The following SLC3A2 variants were observed in gnomAD, a reference collection of about 807,000 sequenced individuals.
SLC3A2 encodes solute carrier family 3 member 2.
SLC3A2 carries 32 observed loss-of-function variants against 48.5 expected under a neutral mutation model. That is an observed-to-expected ratio of 0.66 (90% CI 0.50 to 0.89). The LOEUF (loss-of-function observed/expected upper bound fraction) is 0.89, where lower values mean the gene tolerates loss of function less well. Ranked by LOEUF, SLC3A2 falls within the 40% of genes least tolerant of loss-of-function variation. The pLI is 0.00. For missense variants in SLC3A2, 587 were observed against 680.7 expected (o/e 0.86, Z 1.53); for synonymous variants, 277 against 288.8 (o/e 0.96, Z 0.41).
chr11:62,885,203 C>T lies in SLC3A2; in HGVS notation c.845C>T (p.Ser282Phe), dbSNP rs2085693718. 1 of 1,614,156 alleles carries T rather than the reference C, an allele frequency of 6.2e-7. No individual in the cohort carries two copies. Among genetic ancestry groups the T allele is most frequent in the East Asian group, 2.2e-5 (1 of 44,874 alleles). ...CTCTTGATTGCGGGGACTAACTCCT[C>T]CGACCTTCAGCAGATCCTGAGCCTA... is the stretch of plus-strand genomic sequence containing the variant. ...DRLLIAGTNS[S>F]DLQQILSLLE... Residue 282 changes from serine to phenylalanine, a missense_variant, in exon 6 of 9, where the codon TCC becomes TTC. By Grantham distance (155) the Ser-to-Phe change is radical. Coordinates refer to ENST00000338663, the MANE Select transcript of SLC3A2 (RefSeq NM_001013251.3).
chr11:62,878,172 CAAAA>C (rs902061924), upstream of SLC3A2, among the ~76,000 whole-genome samples: 1 of 149,480 alleles, frequency 6.7e-6, no homozygotes, highest in Non-Finnish European at 1.5e-5. Flanking sequence ...AAAAAAAAAA[CAAAA>C]AACAAAAGGA....
chr11:62,867,921 A>G (rs1350053565), intron 1 of SLC3A2, among the ~76,000 whole-genome samples: 1 of 151,804 alleles, frequency 6.6e-6, no homozygotes, highest in Middle Eastern at 3.4e-3. Context: ...ATTATTTTTC[A>G]AAAAAAATTT....
chr11:62,876,155 G>T (rs12804553), upstream of SLC3A2, among the ~76,000 whole-genome samples: 31,484 of 152,244 alleles, frequency 0.21, 3,909 homozygotes, highest in Non-Finnish European at 0.29. Flanking sequence ...ATGAGCTGCT[G>T]TGCCTGGTCA....
rs772772735 is a variant in SLC3A2 at position 62,888,167 on chromosome 11, G to A, written c.1176G>A (p.Glu392=). Residue 392 remains glutamate, a synonymous_variant, in exon 8 of 9, where the codon GAG becomes GAA. Coordinates refer to ENST00000338663, the MANE Select transcript of SLC3A2 (RefSeq NM_001013251.3). ...AGGCTCCAGTCATGCTGTGGGATGA[G>A]TCCAGCTTCCCTGACATCCCAGGGG... ...PMEAPVMLWD[E]SSFPDIPGAV... is the part of the protein sequence containing the mutation. 2 of 1,613,994 alleles carry A rather than the reference G, an allele frequency of 1.2e-6. No homozygotes were observed. Among genetic ancestry groups the A allele is most frequent in the East Asian group, 2.2e-5 (1 of 44,880 alleles).
At chr11:62,856,264 G>T (rs758009456) in exon 1 of SLC3A2, 10 of 1,605,916 alleles carry the variant, frequency 6.2e-6, no homozygotes, top group Non-Finnish European at 7.7e-6. Context: ...TGCAGGATCC[G>T]CCTCCATGGA....
Position 62,881,498 on chromosome 11 carries a change from T to G in SLC3A2, c.424+51T>G. On this transcript the variant is annotated intron_variant, in intron 1 of 8. Transcript: ENST00000338663. The surrounding 1 kb of genome is among the most constrained non-coding windows in gnomAD (Gnocchi z 4.0). ...GGTACCTCCGGTTGAATCTGGTGGCTTGCACCGACCCCCTCCCCTGTCCCC... is the reference window on the plus strand; with the variant it reads ...GGTACCTCCGGTTGAATCTGGTGGCGTGCACCGACCCCCTCCCCTGTCCCC... 6.6e-7 allele frequency: 1 copy of G among 1,509,206 alleles called. No homozygotes were observed. The highest frequency in any genetic ancestry group is 8.8e-7 in the Non-Finnish European group (1 of 1,133,874). The allele number at this position is 1,509,206 out of a possible 1,614,324, so 93.5% of individuals were successfully genotyped here.
chr11:62,856,500 C>T (rs897191846), intron 1 of SLC3A2: 2 of 826,140 alleles, frequency 2.4e-6, no homozygotes, highest in Non-Finnish European at 1.9e-6. Context: ...CTAACTGGTT[C>T]CCTATGTCCT....
At chr11:62,867,503 T>C (rs576738510) in intron 1 of SLC3A2, among the ~76,000 whole-genome samples, 1 of 151,604 alleles carries the variant, frequency 6.6e-6, no homozygotes, top group Non-Finnish European at 1.5e-5. Context: ...TTTTTGTGTT[T>C]TTAGTAGAGA....
intron 8 of SLC3A2, 49 bp from the exon 9 acceptor site, chr11:62,888,282 A>G (rs1178705126): frequency 1.2e-6 from 2 of 1,609,506 alleles, no homozygotes; most frequent in Admixed American, 3.3e-5. Context: ...AGAAGTCTGT[A>G]CCCAGGGGAG....
chr11:62,887,423 C>T (rs1328514724), intron 7 of SLC3A2, among the ~76,000 whole-genome samples: 1 of 152,094 alleles, frequency 6.6e-6, no homozygotes, highest in African/African-American at 2.4e-5. Context: ...GTTAGCCAGG[C>T]CGGGTGTCGT....
intron 7 of SLC3A2, among the ~76,000 whole-genome samples, 178 bp downstream of exon 7, chr11:62,885,786 T>C (rs2085706159): frequency 6.6e-6 from 1 of 152,208 alleles, no homozygotes; most frequent in South Asian, 2.1e-4. Flanking sequence ...ATTTTGGTCA[T>C]CCCTTGTGTT....
At chr11:62,879,969 T>G (rs1402990860), upstream of SLC3A2, among the ~76,000 whole-genome samples, 1 of 151,266 alleles carries the variant, frequency 6.6e-6, no homozygotes, top group Non-Finnish European at 1.5e-5. Context: ...CTTGGGGGAG[T>G]TTGGGGATAA....
At chr11:62,882,246 C>A in intron 2 of SLC3A2, 180 bp downstream of exon 2, 1 of 693,204 alleles carries the variant, frequency 1.4e-6, no homozygotes, top group Non-Finnish European at 2.4e-6. Context: ...GGGCTTTCTA[C>A]TTGGCTGTGG....
chr11:62,884,596 AT>A (rs1471712059), intron 4 of SLC3A2, 35 bp from the exon 5 acceptor site: 1 of 1,613,058 alleles, frequency 6.2e-7, no homozygotes, highest in East Asian at 2.2e-5. Flanking sequence ...GCCTCATAAT[AT>A]TCTCTGGTCC....
upstream of SLC3A2, among the ~76,000 whole-genome samples, chr11:62,877,226 A>G (rs867064687): frequency 5.9e-5 from 9 of 151,658 alleles, no homozygotes; most frequent in Non-Finnish European, 1.2e-4. Context: ...ACGCCTGGCT[A>G]ATTTTTGTAT....
At chr11:62,883,750 G>T (rs1390902988) in intron 3 of SLC3A2, 1 of 284,380 alleles carries the variant, frequency 3.5e-6, no homozygotes, top group Non-Finnish European at 7.1e-6. Flanking sequence ...GGATGGTTTG[G>T]CATGAGGGGC....
intron 1 of SLC3A2, among the ~76,000 whole-genome samples, chr11:62,861,108 G>C (rs1027345866): frequency 6.6e-6 from 1 of 152,072 alleles, no homozygotes; most frequent in Non-Finnish European, 1.5e-5. Flanking sequence ...GGGAGGCCAA[G>C]GCAAGCAGAC....
Position 62,884,758 on chromosome 11 carries a change from A to G in SLC3A2, c.818+68A>G, listed in dbSNP as rs929065123. 5 of 1,268,014 alleles carry G rather than the reference A, an allele frequency of 3.9e-6. No individual in the cohort carries two copies. The Admixed American group carries it at 7.3e-5, about 19-fold the overall frequency. The allele number at this position is 1,268,014 out of a possible 1,614,324, so 78.5% of individuals were successfully genotyped here. A position where few individuals can be genotyped will look rare whatever the true frequency, so the allele number is the denominator to read the frequency against. ...AACCCCTCAGTGGAGTGCTAGGCCT[A>G]AGAAGGGGGGATTCCTAGTCTAGAG... On this transcript the variant is annotated intron_variant, in intron 5 of 8. Coordinates refer to ENST00000338663, the MANE Select transcript of SLC3A2 (RefSeq NM_001013251.3).
At chr11:62,886,205 G>A (rs1334118810) in intron 7 of SLC3A2, among the ~76,000 whole-genome samples, 1 of 151,956 alleles carries the variant, frequency 6.6e-6, no homozygotes, top group Non-Finnish European at 1.5e-5. Flanking sequence ...CAAGAGAATC[G>A]CTTGAACCTG....
Sources: allele counts gnomAD v4.1 joint callset (sites outside exome capture counted in the v4.1 genomes callset), GRCh38; gene constraint gnomAD v4.1.1; non-coding constraint Gnocchi (gnomAD v3.1); transcripts MANE v1.5; gene names NCBI Gene and HGNC (gene_info 2026-07-23, HGNC 2026-07-21).